The following RUFY2 variants were observed in gnomAD, a reference collection of about 807,000 sequenced individuals.
The protein encoded by RUFY2 is RUN and FYVE domain containing 2.
RUFY2 carries 49 observed loss-of-function variants against 94.4 expected under a neutral mutation model. The ratio of observed to expected loss-of-function variants is 0.52; its 90% CI spans 0.41 to 0.66. The LOEUF (loss-of-function observed/expected upper bound fraction) is 0.66. Among genes scored for constraint, RUFY2 ranks in the 30% least tolerant of loss-of-function variants. The pLI is 0.00. For missense variants in RUFY2, 541 were observed against 692.8 expected (o/e 0.78, Z 2.46); for synonymous variants, 255 against 235.7 (o/e 1.08, Z -0.75).
intron 2 of RUFY2, among the ~76,000 whole-genome samples, 153 bp from the exon 3 acceptor site, chr10:68,401,890 C>T (rs115404925): frequency 0.029 from 4,460 of 152,226 alleles, 215 homozygotes; most frequent in African/African-American, 0.1. Context: ...GGATCTGGAG[C>T]CTGTGCCAGT....
At chr10:68,370,551 G>A (rs1315393806) in intron 13 of RUFY2, among the ~76,000 whole-genome samples, 2 of 151,028 alleles carry the variant, frequency 1.3e-5, no homozygotes, top group East Asian at 1.9e-4. Flanking sequence ...GGAAGCTTGG[G>A]CAGAAGGATC....
intron 16 of RUFY2, among the ~76,000 whole-genome samples, chr10:68,350,882 T>A (rs1408227126): frequency 6.6e-6 from 1 of 151,484 alleles, no homozygotes; most frequent in Non-Finnish European, 1.5e-5. Context: ...CCGGCTAATT[T>A]TGTATTTTTA....
chr10:68,388,856 A>G (rs901960823), intron 7 of RUFY2, among the ~76,000 whole-genome samples: 3 of 121,732 alleles, frequency 2.5e-5, no homozygotes, highest in African/African-American at 7.7e-5. Flanking sequence ...AAAAAAAAAG[A>G]AAAGAAAAGA....
At chr10:68,357,234 T>C (rs2047120796) in intron 15 of RUFY2, among the ~76,000 whole-genome samples, 1 of 140,840 alleles carries the variant, frequency 7.1e-6, no homozygotes, top group Non-Finnish European at 1.6e-5. Context: ...TATAACTTTG[T>C]TTTTTTTTTT....
chr10:68,401,794 A>G (rs914158121), intron 2 of RUFY2, 57 bp from the exon 3 acceptor site: 88 of 964,978 alleles, frequency 9.1e-5, no homozygotes, highest in Non-Finnish European at 1.3e-4. Flanking sequence ...GTAGTAACTT[A>G]TTTTTAAATA....
chr10:68,378,437 A>T, intron 12 of RUFY2: 1 of 1,285,556 alleles, frequency 7.8e-7, no homozygotes, highest in Non-Finnish European at 9.8e-7. Context: ...GCAGCTGACC[A>T]AGAAATGTAC....
In RUFY2 at chr10:68,393,148, T is replaced by C; in HGVS notation, c.640A>G (p.Arg214Gly). Reference sequence around the variant, plus strand: ...ATCCATAATACTTACTTCAGTTGTCTATTTAATTCTTCAACATAATTCTTT... The same window carrying C: ...ATCCATAATACTTACTTCAGTTGTCCATTTAATTCTTCAACATAATTCTTT... The part of the protein sequence containing the change: ...DQKNYVEELN[R>G]QLNSTVSSLH... Residue 214 changes from arginine (R) to glycine (G), a missense_variant, in exon 7 of 18, where the codon AGA becomes GGA. Arg to Gly is a moderately radical substitution (Grantham distance 125, BLOSUM62 -2). Coordinates refer to ENST00000602465, the MANE Select transcript of RUFY2 (RefSeq NM_001330103.2). The C allele has an allele frequency of 6.6e-7, 1 of 1,520,952 alleles. No individual in the cohort carries two copies. Among genetic ancestry groups the C allele is most frequent in the Non-Finnish European group, 9.0e-7 (1 of 1,106,352 alleles). 94.2% of individuals were successfully genotyped at this position (1,520,952 alleles called of 1,614,324 possible).
Position 68,345,840 on chromosome 10 carries a change from TGAA to T in RUFY2, c.1746_1748del (p.Ser583del). On this transcript the variant is annotated inframe_deletion, in exon 18 of 18. Coordinates refer to ENST00000602465, the MANE Select transcript of RUFY2 (RefSeq NM_001330103.2). ...AATCACAAACCCGTACTGGTTTTGGTGAAGAAGGCAAAGGTAGTTCGTTGTCAG... is the reference window on the plus strand; with the variant it reads ...AATCACAAACCCGTACTGGTTTTGGTGAAGGCAAAGGTAGTTCGTTGTCAG... The T allele has an allele frequency of 1.2e-6, 2 of 1,614,140 alleles. No individual in the cohort carries two copies. Among genetic ancestry groups the T allele is most frequent in the South Asian group, 1.1e-5 (1 of 91,084 alleles).
chr10:68,396,811 G>A lies in RUFY2; in HGVS notation c.367C>T (p.Arg123Cys), dbSNP rs1299673139. The change falls in exon 4 of 18, where the codon CGT (arginine) becomes TGT (cysteine). Residue 123 changes from arginine to cysteine, a missense_variant. This residue lies in a region of RUFY2 where 85 missense variants were observed against 153.4 expected (regional missense o/e 0.55). Coordinates refer to ENST00000602465, the MANE Select transcript of RUFY2 (RefSeq NM_001330103.2). Reference sequence around the variant, plus strand: ...AGATCCCTCTGAATAATTAAGCAACGTAAGTAATCGGCCATTTTTTTTTGC... The same window carrying A: ...AGATCCCTCTGAATAATTAAGCAACATAAGTAATCGGCCATTTTTTTTTGC... ...LMQKKMADYL[R>C]CLIIQRDLLS... The A allele has an allele frequency of 3.1e-6, 5 of 1,613,528 alleles. No homozygotes were observed. The highest frequency in any genetic ancestry group is 1.1e-5 in the South Asian group (1 of 91,060).
intron 3 of RUFY2, among the ~76,000 whole-genome samples, chr10:68,401,264 G>C (rs1326725390): frequency 6.6e-6 from 1 of 152,246 alleles, no homozygotes; most frequent in East Asian, 1.9e-4. Flanking sequence ...CCTGGATTCA[G>C]CCTAAATCAG....
chr10:68,352,660 G>A (rs1169082239), intron 16 of RUFY2, among the ~76,000 whole-genome samples: 1 of 152,176 alleles, frequency 6.6e-6, no homozygotes, highest in South Asian at 2.1e-4. Flanking sequence ...GCTGGGCACG[G>A]TGGCTCACAC....
chr10:68,406,823 A>G (rs778575051), intron 1 of RUFY2: 1 of 1,612,164 alleles, frequency 6.2e-7, no homozygotes, highest in Non-Finnish European at 8.5e-7. Context: ...AAAACCTGAG[A>G]TGCGTCTTCC....
intron 13 of RUFY2, among the ~76,000 whole-genome samples, chr10:68,372,518 T>G (rs1399365254): frequency 6.7e-6 from 1 of 149,420 alleles, no homozygotes; most frequent in Non-Finnish European, 1.5e-5. Context: ...AGCTTGAGGT[T>G]GCAGTGAGCC....
At chr10:68,389,722 A>G (rs2049837014) in intron 7 of RUFY2, among the ~76,000 whole-genome samples, 1 of 152,174 alleles carries the variant, frequency 6.6e-6, no homozygotes, top group Non-Finnish European at 1.5e-5. Context: ...TAAGCCCAGT[A>G]GGTGGAGGTT....
At chr10:68,367,678 TCTCC>T (rs889155510) in intron 13 of RUFY2, among the ~76,000 whole-genome samples, 5 of 151,540 alleles carry the variant, frequency 3.3e-5, no homozygotes, top group Non-Finnish European at 7.4e-5. Flanking sequence ...TCTTTCTCTC[TCTCC>T]CTCCCTCCCT....
chr10:68,393,744 T>A (rs984624666), intron 6 of RUFY2: 2 of 283,266 alleles, frequency 7.1e-6, no homozygotes, highest in African/African-American at 2.4e-5. Context: ...AAAAAAAACA[T>A]AGTTCGATCT....
At chr10:68,379,022 G>A (rs1455473448) in intron 12 of RUFY2, 3 of 274,912 alleles carry the variant, frequency 1.1e-5, no homozygotes, top group African/African-American at 2.2e-5. Flanking sequence ...CCACCAATTC[G>A]GAATGCTTGA....
intron 16 of RUFY2, among the ~76,000 whole-genome samples, chr10:68,347,153 C>T (rs1187012279): frequency 6.6e-6 from 1 of 152,008 alleles, no homozygotes; most frequent in African/African-American, 2.4e-5. Flanking sequence ...AAAAAAGGAC[C>T]TCACTTTAAA....
At chr10:68,381,726 T>C (rs561674729) in intron 10 of RUFY2, among the ~76,000 whole-genome samples, 1 of 152,248 alleles carries the variant, frequency 6.6e-6, no homozygotes, top group Non-Finnish European at 1.5e-5. Context: ...CACACGCCTG[T>C]AGTCCCAGCT....
Sources: gnomAD v4.1 joint callset for allele counts (sites outside exome capture counted in the v4.1 genomes callset) on GRCh38, gnomAD v4.1.1 for gene constraint, gnomAD v4.1.1 regional missense constraint, MANE v1.5 for transcripts, NCBI Gene and HGNC (gene_info 2026-07-23, HGNC 2026-07-21) for gene names.